LHX6: variants seen among roughly 807,000 people sequenced by gnomAD.
LHX6 encodes LIM/homeobox protein Lhx6.
LHX6 carries 15 observed loss-of-function variants against 47.1 expected under a neutral mutation model. That is an observed-to-expected ratio of 0.32 (90% CI 0.21 to 0.49). The LOEUF is 0.49. Ranked by LOEUF, LHX6 falls within the 20% of genes least tolerant of loss-of-function variation. The pLI is 0.99. For synonymous variants in LHX6, 242 were observed against 233.5 expected, an observed-to-expected ratio of 1.04 and a Z score of -0.33; for missense variants, 404 against 539.6, an observed-to-expected ratio of 0.75 and a Z score of 2.49.
chr9:122,213,950 A>AC lies in LHX6; in HGVS notation c.879+23_879+24insG. On this transcript the variant is annotated intron_variant, in intron 7 of 9. Coordinates refer to ENST00000394319, the MANE Select transcript of LHX6 (RefSeq NM_014368.5). This position sits in a 1 kb window ranked among gnomAD's most constrained non-coding sequence, Gnocchi z 5.5. ...GCTCCGGGGCGTGCCCGCGGTCCCC[A>AC]GGCCCCGCCCACCCCCGTCCCACCT... 76 of 878,764 alleles carry AC rather than the reference A, an allele frequency of 8.6e-5. No individual in the cohort carries two copies. The highest frequency in any genetic ancestry group is 1.3e-4 in the Non-Finnish European group (70 of 553,976). The allele number at this position is 878,764 out of a possible 1,614,324, so 54.4% of individuals were successfully genotyped here.
In LHX6 at chr9:122,210,692, G is replaced by T. The variant is rs1340315824; in HGVS notation, c.1055-975C>A. 2.0e-5 allele frequency among the ~76,000 whole-genome samples: 3 copies of T among 152,264 alleles called. No homozygotes were observed. In the East Asian group the frequency reaches 5.8e-4, roughly 29 times the overall value. On this transcript the variant is annotated intron_variant, in intron 8 of 9. Transcript: ENST00000394319. Reference sequence around the variant, plus strand: ...TTCTCCCACCTTAGCCTCCTGAGTAGCTGGGACTACTGGCATGTACCATCA... The same window carrying T: ...TTCTCCCACCTTAGCCTCCTGAGTATCTGGGACTACTGGCATGTACCATCA...
Position 122,218,784 on chromosome 9 carries a change from C to T in LHX6, c.462-1496G>A, listed in dbSNP as rs148277241. Among the ~76,000 whole-genome samples, 952 of 152,194 alleles carry T rather than the reference C, an allele frequency of 6.3e-3. 14 individuals are homozygous for T. The highest frequency in any genetic ancestry group is 0.022 in the African/African-American group (907 of 41,508). On this transcript the variant is annotated intron_variant, in intron 4 of 9. Coordinates refer to ENST00000394319, the MANE Select transcript of LHX6 (RefSeq NM_014368.5). The stretch of plus-strand genomic sequence containing the variant: ...GCCGCCCCACCATCCAGGCATGTGT[C>T]CCAGTCAGCCACAATGGAAGGTCAC...
intron 4 of LHX6, among the ~76,000 whole-genome samples, chr9:122,218,848 C>A (rs1830700201): frequency 6.6e-6 from 1 of 152,070 alleles, no homozygotes. Context: ...CACTTTCCCA[C>A]CCCCAGGCCT....
chr9:122,227,693 C>T lies in LHX6; in HGVS notation c.85-213G>A, dbSNP rs965691990. ...GATTGGATTTTTTCCCTCTCTCTCC[C>T]CCTCTCCCTGCACTTAACCCGTGGC... On this transcript the variant is annotated intron_variant, in intron 1 of 9. Coordinates refer to ENST00000394319, the MANE Select transcript of LHX6 (RefSeq NM_014368.5). The T allele has an allele frequency of 2.9e-6, 3 of 1,037,798 alleles. No individual in the cohort carries two copies. In the African/African-American group the frequency reaches 5.1e-5, roughly 18 times the overall value. 64.3% of individuals were successfully genotyped at this position (1,037,798 alleles called of 1,614,324 possible).
intron 9 of LHX6, among the ~76,000 whole-genome samples, chr9:122,208,405 C>G (rs555923230): frequency 3.3e-5 from 5 of 152,308 alleles, no homozygotes; most frequent in African/African-American, 7.2e-5. Flanking sequence ...TCTGCCTCCC[C>G]CTCCAGACTC....
In LHX6 at chr9:122,209,734, G is replaced by T. The variant is rs746737074; in HGVS notation, c.1055-17C>A. ...GTACCTGACCTGTGGACGAGAGGATGCCTTGGAGCTCATCCCCCAGGCTGC... is the reference window on the plus strand; with the variant it reads ...GTACCTGACCTGTGGACGAGAGGATTCCTTGGAGCTCATCCCCCAGGCTGC... On this transcript the variant is annotated splice_polypyrimidine_tract_variant and intron_variant, in intron 8 of 9. Coordinates refer to ENST00000394319, the MANE Select transcript of LHX6 (RefSeq NM_014368.5). 1.3e-6 allele frequency: 1 copy of T among 798,120 alleles called. No homozygotes were observed. 49.4% of individuals were successfully genotyped at this position (798,120 alleles called of 1,614,324 possible).
chr9:122,227,774 AAC>A (rs1242683492), intron 1 of LHX6: 6 of 434,054 alleles, frequency 1.4e-5, no homozygotes, highest in South Asian at 4.8e-5. Flanking sequence ...GGGGAAGAAA[AAC>A]ACGCGCACAC....
At position 122,204,614 on chromosome 9, in the gene LHX6, G is replaced by A. The variant is rs1207062566; in HGVS notation, c.*146C>T. 9.7e-6 allele frequency: 9 copies of A among 926,952 alleles called. No individual in the cohort carries two copies. Among genetic ancestry groups the A allele is most frequent in the Non-Finnish European group, 1.4e-5 (9 of 627,244 alleles). The allele number at this position is 926,952 out of a possible 1,614,324, so 57.4% of individuals were successfully genotyped here. On this transcript the variant is annotated 3_prime_UTR_variant, in exon 10 of 10. Coordinates refer to ENST00000394319, the MANE Select transcript of LHX6 (RefSeq NM_014368.5). Reference sequence around the variant, plus strand: ...GCAGGAGAGGGAAAGGCCAGGCCTCGGGAACCGACCTGGTGGTGGGCAGGA... The same window carrying A: ...GCAGGAGAGGGAAAGGCCAGGCCTCAGGAACCGACCTGGTGGTGGGCAGGA...
At chr9:122,228,549 T>C in intron 1 of LHX6, 108 bp downstream of exon 1, 1 of 1,149,692 alleles carries the variant, frequency 8.7e-7, no homozygotes, top group African/African-American at 2.3e-5. Context: ...AGGCGCACCC[T>C]CGTACCCCTC....
At chr9:122,204,997 C>G (rs1830118670) in intron 9 of LHX6, among the ~76,000 whole-genome samples, 1 of 152,240 alleles carries the variant, frequency 6.6e-6, no homozygotes, top group Non-Finnish European at 1.5e-5. Flanking sequence ...ATGACAAAAT[C>G]TCTCTCTGAG....
intron 8 of LHX6, 143 bp from the exon 9 acceptor site, chr9:122,209,860 G>A (rs1170529459): frequency 3.4e-6 from 2 of 585,166 alleles, no homozygotes; most frequent in South Asian, 2.0e-5. Flanking sequence ...CAAGGTTTCA[G>A]TAGGGTTGGT....
At chr9:122,211,579 A>G (rs1426776688) in intron 8 of LHX6, among the ~76,000 whole-genome samples, 1 of 152,374 alleles carries the variant, frequency 6.6e-6, no homozygotes, top group African/African-American at 2.4e-5. Flanking sequence ...GTAGTTTACC[A>G]TAGAGCAAAC....
At position 122,217,395 on chromosome 9, in the gene LHX6, C is replaced by A; in HGVS notation, c.462-107G>T. On this transcript the variant is annotated intron_variant, in intron 4 of 9. Transcript: ENST00000394319. The surrounding 1 kb of genome is among the most constrained non-coding windows in gnomAD (Gnocchi z 4.9). ...GCCCCCAGGCTCCTGGCCTCTAAGT[C>A]TTCAACTCAGGCATTAGCCTTAGCT... is the stretch of plus-strand genomic sequence containing the variant. The A allele has an allele frequency of 1.2e-6, 1 of 847,080 alleles. No homozygotes were observed. The highest frequency in any genetic ancestry group is 1.8e-6 in the Non-Finnish European group (1 of 544,170). 52.5% of individuals were successfully genotyped at this position (847,080 alleles called of 1,614,324 possible). A position where few individuals can be genotyped will look rare whatever the true frequency, so the allele number is the denominator to read the frequency against.
intron 4 of LHX6, among the ~76,000 whole-genome samples, chr9:122,224,617 G>A (rs1831013749): frequency 1.3e-5 from 2 of 152,018 alleles, no homozygotes; most frequent in African/African-American, 2.4e-5. Flanking sequence ...GTGGAATGAT[G>A]GGATTTCAGA....
intron 4 of LHX6, chr9:122,221,788 A>G: frequency 5.3e-6 from 5 of 948,096 alleles, no homozygotes; most frequent in Non-Finnish European, 6.3e-6. Context: ...GACTCTTTGG[A>G]TCAGCAGAGA....
At position 122,214,445 on chromosome 9, in the gene LHX6, G is replaced by T. The variant is rs1830521661; in HGVS notation, c.683-62C>A. 2 of 1,455,612 alleles carry T rather than the reference G, an allele frequency of 1.4e-6. No individual in the cohort carries two copies. Among genetic ancestry groups the T allele is most frequent in the East Asian group, 5.4e-5 (2 of 37,270 alleles). 90.2% of individuals were successfully genotyped at this position (1,455,612 alleles called of 1,614,324 possible). A position where few individuals can be genotyped will look rare whatever the true frequency, so the allele number is the denominator to read the frequency against. On this transcript the variant is annotated intron_variant, in intron 5 of 9. Transcript: ENST00000394319. The surrounding 1 kb of genome is among the most constrained non-coding windows in gnomAD (Gnocchi z 4.6). ...TCTCTTCTAGTGGCAGCCTGGAAAG[G>T]ACGGGGGTGGGGGGAGCTTGTCCCT...
At chr9:122,218,598 CAA>C (rs917075758) in intron 4 of LHX6, among the ~76,000 whole-genome samples, 21 of 152,248 alleles carry the variant, frequency 1.4e-4, no homozygotes, top group Admixed American at 7.8e-4. Flanking sequence ...GCAGTCAAAG[CAA>C]AGTTTCCAGC....
Position 122,226,881 on chromosome 9 carries a change from G to A in LHX6, c.306C>T (p.Cys102=). ...GATATCGGTCCAGGATCTCGAGGCC[G>A]CAGCTGGAGCAGATGTTCTTGCCTG... is the stretch of plus-strand genomic sequence containing the variant. The part of the protein sequence containing the change: ...PSAGKNICSS[C]GLEILDRYLL... Residue 102 remains cysteine, a synonymous_variant, in exon 3 of 10, where the codon TGC becomes TGT. Coordinates refer to ENST00000394319, the MANE Select transcript of LHX6 (RefSeq NM_014368.5). The surrounding 1 kb of genome is among the most constrained non-coding windows in gnomAD (Gnocchi z 6.5). 2 of 1,566,974 alleles carry A rather than the reference G, an allele frequency of 1.3e-6. No individual in the cohort carries two copies. Among genetic ancestry groups the A allele is most frequent in the South Asian group, 1.2e-5 (1 of 85,074 alleles).
rs1831115116 is a variant in LHX6, at chr9:122,226,669, T to C, written c.340-172A>G. ...TCAGGGAAATGGAAATAAACTCTTC[T>C]TATTTTTCAGACGGAACCCGGGGGC... On this transcript the variant is annotated intron_variant, in intron 3 of 9. Coordinates refer to ENST00000394319, the MANE Select transcript of LHX6 (RefSeq NM_014368.5). This position sits in a 1 kb window ranked among gnomAD's most constrained non-coding sequence, Gnocchi z 6.5. The C allele has an allele frequency of 4.8e-6, 6 of 1,261,462 alleles. 1 individual carries two copies. Among genetic ancestry groups the C allele is most frequent in the South Asian group, 3.0e-5 (2 of 66,116 alleles). 78.1% of individuals were successfully genotyped at this position (1,261,462 alleles called of 1,614,324 possible).
Sources: allele counts gnomAD v4.1 joint callset (sites outside exome capture counted in the v4.1 genomes callset), GRCh38; gene constraint gnomAD v4.1.1; non-coding constraint Gnocchi (gnomAD v3.1); transcripts MANE v1.5; gene names NCBI Gene and HGNC (gene_info 2026-07-23, HGNC 2026-07-21).